ZNF618: variants seen among roughly 807,000 people sequenced by gnomAD.
The protein encoded by ZNF618 is zinc finger protein 618, also known as neural precursor cell expressed, developmentally down-regulated 10.
ZNF618 carries 34 observed loss-of-function variants against 103.0 expected under a neutral mutation model. The observed-to-expected ratio is 0.33, with a 90% CI of 0.25 to 0.44. ZNF618 has a LOEUF of 0.44. ZNF618 is among the 20% of genes least tolerant of loss of function. The pLI is 1.00. For missense variants in ZNF618, 1,059 were observed against 1,295.4 expected, an observed-to-expected ratio of 0.82 and a Z score of 2.80; for synonymous variants, 551 against 542.2, an observed-to-expected ratio of 1.02 and a Z score of -0.23.
chr9:113,975,776 A>G (rs865799459), intron 2 of ZNF618, among the ~76,000 whole-genome samples: 4 of 152,302 alleles, frequency 2.6e-5, no homozygotes, highest in Non-Finnish European at 4.4e-5. Flanking sequence ...AATGAACAGT[A>G]TGGTATTAGC....
intron 1 of ZNF618, among the ~76,000 whole-genome samples, chr9:113,897,424 A>T (rs550266383): frequency 6.6e-6 from 1 of 152,306 alleles, no homozygotes; most frequent in African/African-American, 2.4e-5. Flanking sequence ...GAATGCCTGT[A>T]TCACTCTTTT....
intron 3 of ZNF618, among the ~76,000 whole-genome samples, chr9:113,993,902 T>G (rs1395358226): frequency 1.3e-5 from 2 of 152,072 alleles, no homozygotes; most frequent in Non-Finnish European, 2.9e-5. Flanking sequence ...GGATTTCAAC[T>G]CAGTAAAAGG....
intron 1 of ZNF618, among the ~76,000 whole-genome samples, chr9:113,968,497 A>G (rs1837641943): frequency 6.6e-6 from 1 of 152,190 alleles, no homozygotes; most frequent in Non-Finnish European, 1.5e-5. Flanking sequence ...GCACTGGTCT[A>G]GGAGTCAGGA....
chr9:113,971,138 A>C (rs1379684752), intron 2 of ZNF618, among the ~76,000 whole-genome samples: 1 of 151,512 alleles, frequency 6.6e-6, no homozygotes, highest in Non-Finnish European at 1.5e-5. Context: ...GTGTAAGAAC[A>C]ATGTGTGAGG....
intron 1 of ZNF618, among the ~76,000 whole-genome samples, chr9:113,946,829 G>A (rs1009463583): frequency 6.6e-6 from 1 of 152,168 alleles, no homozygotes; most frequent in African/African-American, 2.4e-5. Context: ...GGAGCCTAGT[G>A]GCTGGTTATT....
At chr9:114,002,120 C>T in intron 5 of ZNF618, 47 bp downstream of exon 5, 1 of 1,560,666 alleles carries the variant, frequency 6.4e-7, no homozygotes, top group Non-Finnish European at 8.8e-7. Flanking sequence ...GCACCTCCCA[C>T]TGTCTGCCTG....
intron 10 of ZNF618, among the ~76,000 whole-genome samples, chr9:114,025,022 G>A (rs1843378522): frequency 6.6e-6 from 1 of 152,150 alleles, no homozygotes; most frequent in East Asian, 1.9e-4. Flanking sequence ...TGACCATGGG[G>A]CTCACATCAT....
At chr9:113,997,996 C>T (rs182201809) in intron 3 of ZNF618, among the ~76,000 whole-genome samples, 77 of 152,328 alleles carry the variant, frequency 5.1e-4, no homozygotes, top group Middle Eastern at 3.4e-3. Context: ...ATTGTGTGTT[C>T]TAACCATATG....
chr9:113,969,168 C>T lies in ZNF618; in HGVS notation c.77+8C>T. ...GAAAAGCACTGCGAGCAGGTACACT[C>T]CCTCTCCCGCCCCCAGCTTGTCCAC... On this transcript the variant is annotated splice_region_variant and intron_variant, in intron 2 of 14. Transcript: ENST00000374126. 2 of 1,613,952 alleles carry T rather than the reference C, an allele frequency of 1.2e-6. No individual in the cohort carries two copies. The highest frequency in any genetic ancestry group is 1.7e-6 in the Non-Finnish European group (2 of 1,179,872).
intron 14 of ZNF618, 136 bp downstream of exon 14, chr9:114,048,130 A>G (rs771938882): frequency 9.1e-5 from 69 of 760,040 alleles, no homozygotes; most frequent in Non-Finnish European, 1.4e-4. Context: ...GCACTTTTAC[A>G]CCTAAGACCT....
At chr9:113,948,042 G>A (rs1032210592) in intron 1 of ZNF618, among the ~76,000 whole-genome samples, 1 of 152,134 alleles carries the variant, frequency 6.6e-6, no homozygotes, top group African/African-American at 2.4e-5. Context: ...TGGGTAGATT[G>A]CATGGAAGAG....
intron 11 of ZNF618, 147 bp from the exon 12 acceptor site, chr9:114,032,498 G>A: frequency 1.4e-6 from 1 of 717,014 alleles, no homozygotes. Flanking sequence ...AGAGGGTCCT[G>A]GGGAGATCTG....
At chr9:113,975,014 A>G (rs760784851) in intron 2 of ZNF618, among the ~76,000 whole-genome samples, 7 of 152,184 alleles carry the variant, frequency 4.6e-5, no homozygotes, top group Admixed American at 2.0e-4. Context: ...CACAATTCCT[A>G]GTTCAAAGCA....
At chr9:114,044,344 C>CATTT (rs1845475012) in intron 13 of ZNF618, among the ~76,000 whole-genome samples, 1 of 152,064 alleles carries the variant, frequency 6.6e-6, no homozygotes, top group Admixed American at 6.6e-5. Flanking sequence ...TGTTGAAGAT[C>CATTT]ATTTGGCTGT....
At chr9:113,909,315 T>A (rs1831284180) in intron 1 of ZNF618, among the ~76,000 whole-genome samples, 1 of 152,054 alleles carries the variant, frequency 6.6e-6, no homozygotes, top group Non-Finnish European at 1.5e-5. Context: ...GCTAGAGGCC[T>A]TGTGTGTCCC....
At chr9:113,921,629 T>TC (rs1832660188) in intron 1 of ZNF618, among the ~76,000 whole-genome samples, 2 of 152,214 alleles carry the variant, frequency 1.3e-5, no homozygotes, top group African/African-American at 4.8e-5. Flanking sequence ...GCTGTGGTCT[T>TC]CCTTGAGAAG....
chr9:113,934,142 A>G (rs968766832), intron 1 of ZNF618, among the ~76,000 whole-genome samples: 1 of 152,154 alleles, frequency 6.6e-6, no homozygotes, highest in African/African-American at 2.4e-5. Context: ...TGGCGGCAGG[A>G]AAGTCAGTGA....
chr9:113,959,602 A>AT (rs1379477563), intron 1 of ZNF618, among the ~76,000 whole-genome samples: 4 of 151,534 alleles, frequency 2.6e-5, no homozygotes, highest in Admixed American at 1.3e-4. Context: ...CTTTTCCTTT[A>AT]TTTTTTTATT....
intron 1 of ZNF618, among the ~76,000 whole-genome samples, chr9:113,879,423 A>G (rs901011412): frequency 4.2e-5 from 2 of 47,230 alleles, no homozygotes; most frequent in African/African-American, 1.9e-4. Context: ...TAAATTGGTT[A>G]TTCTGATCAT....
Sources: gnomAD v4.1 joint callset for allele counts (sites outside exome capture counted in the v4.1 genomes callset) on GRCh38, gnomAD v4.1.1 for gene constraint, MANE v1.5 for transcripts, NCBI Gene and HGNC (gene_info 2026-07-23, HGNC 2026-07-21) for gene names.